CAMK1D: variants seen among roughly 807,000 people sequenced by gnomAD.
The protein encoded by CAMK1D is calcium/calmodulin dependent protein kinase ID, also known as calcium/calmodulin-dependent protein kinase type 1D.
In CAMK1D, 9 loss-of-function variants were observed where a neutral mutation model predicts 47.7. That is an observed-to-expected ratio of 0.19 (90% confidence interval 0.11 to 0.33). The LOEUF is 0.33. CAMK1D is among the 10% of genes least tolerant of loss of function. The pLI is 1.00. For synonymous variants in CAMK1D, 184 were observed against 184.9 expected (o/e 0.99, Z 0.04); for missense variants, 291 against 488.7 (o/e 0.60, Z 3.81).
chr10:12,818,491 T>C (rs1832892579), intron 8 of CAMK1D, among the ~76,000 whole-genome samples: 3 of 151,846 alleles, frequency 2.0e-5, no homozygotes, highest in Admixed American at 2.0e-4. Context: ...GCCAACATGG[T>C]GAAACCCCGT....
chr10:12,712,745 A>G (rs1407872627), intron 3 of CAMK1D, among the ~76,000 whole-genome samples: 2 of 152,120 alleles, frequency 1.3e-5, no homozygotes, highest in African/African-American at 2.4e-5. Flanking sequence ...GGTAGGGGAG[A>G]CTAACATTCA....
At chr10:12,615,730 ATG>A (rs941754318) in intron 2 of CAMK1D, among the ~76,000 whole-genome samples, 20 of 150,240 alleles carry the variant, frequency 1.3e-4, no homozygotes, top group Non-Finnish European at 2.4e-4. Flanking sequence ...GTGAGTGTGC[ATG>A]TGTGTGGGGG....
At chr10:12,400,007 C>T (rs77281616) in intron 1 of CAMK1D, among the ~76,000 whole-genome samples, 1,680 of 152,258 alleles carry the variant, frequency 0.011, 29 homozygotes, top group African/African-American at 0.038. Flanking sequence ...AGTCCTGTTT[C>T]TCCCCTAGGA....
At position 12,616,641 on chromosome 10, in the gene CAMK1D, C is replaced by CCGAGTAGCTGGGACTA. The variant is rs573488114; in HGVS notation, c.225-50093_225-50078dup. On this transcript the variant is annotated intron_variant, in intron 2 of 10. Transcript: ENST00000619168. ...CACGCCATTCTCCTGCCTCAGCCTCCCGAGTAGCTGGGACTACAGGCGCCC... is the reference window on the plus strand; with the variant it reads ...CACGCCATTCTCCTGCCTCAGCCTCCCGAGTAGCTGGGACTACGAGTAGCTGGGACTACAGGCGCCC... Among the ~76,000 whole-genome samples, 1,148 of 152,186 alleles carry CCGAGTAGCTGGGACTA rather than the reference C, an allele frequency of 7.5e-3. 14 individuals carry two copies. Among genetic ancestry groups the CCGAGTAGCTGGGACTA allele is most frequent in the African/African-American group, 0.026 (1,089 of 41,518 alleles).
intron 3 of CAMK1D, among the ~76,000 whole-genome samples, chr10:12,667,834 A>C (rs1840481365): frequency 6.6e-6 from 1 of 152,218 alleles, no homozygotes; most frequent in South Asian, 2.1e-4. Context: ...GTTAGGATGC[A>C]AATAAGTGTT....
At chr10:12,628,058 G>T (rs1262431684) in intron 2 of CAMK1D, among the ~76,000 whole-genome samples, 3 of 150,580 alleles carry the variant, frequency 2.0e-5, no homozygotes, top group Non-Finnish European at 4.4e-5. Flanking sequence ...TCCAGCCTGG[G>T]CGACAGAGCA....
At chr10:12,387,373 AT>A (rs1471983673) in intron 1 of CAMK1D, among the ~76,000 whole-genome samples, 6 of 34,418 alleles carry the variant, frequency 1.7e-4, no homozygotes, top group Non-Finnish European at 6.0e-4. Flanking sequence ...TAATATATAT[AT>A]TATATATTAT....
chr10:12,734,476 A>T lies in CAMK1D; in HGVS notation c.300-26472A>T, dbSNP rs1331939152. Among the ~76,000 whole-genome samples, 496 of 136,546 alleles carry T rather than the reference A, an allele frequency of 3.6e-3. 8 individuals are homozygous for T. Among genetic ancestry groups the T allele is most frequent in the African/African-American group, 0.013 (470 of 35,302 alleles). 89.6% of individuals were successfully genotyped at this position (136,546 alleles called of 152,430 possible). A position where few individuals can be genotyped will look rare whatever the true frequency, so the allele number is the denominator to read the frequency against. ...TATATATACACATACACATATGTGT[A>T]TATATACACATATGTATATATATAC... On this transcript the variant is annotated intron_variant, in intron 3 of 10. Coordinates refer to ENST00000619168, the MANE Select transcript of CAMK1D (RefSeq NM_153498.4).
At chr10:12,560,920 C>CTTTCTTTT (rs1836921345) in intron 2 of CAMK1D, among the ~76,000 whole-genome samples, 1 of 149,978 alleles carries the variant, frequency 6.7e-6, no homozygotes. Flanking sequence ...TTCTTTCTTT[C>CTTTCTTTT]TTTTTTTTTT....
chr10:12,676,197 T>A (rs572251930), intron 3 of CAMK1D, among the ~76,000 whole-genome samples: 1 of 152,280 alleles, frequency 6.6e-6, no homozygotes, highest in South Asian at 2.1e-4. Context: ...CAGGTGATCC[T>A]CTTGCCTCTA....
chr10:12,362,929 C>T (rs1375184255), intron 1 of CAMK1D, among the ~76,000 whole-genome samples: 1 of 149,984 alleles, frequency 6.7e-6, no homozygotes, highest in Non-Finnish European at 1.5e-5. Flanking sequence ...CAGGCGTGAG[C>T]CACCCCGCCC....
At chr10:12,385,809 C>T (rs1838477668) in intron 1 of CAMK1D, among the ~76,000 whole-genome samples, 1 of 140,174 alleles carries the variant, frequency 7.1e-6, no homozygotes, top group African/African-American at 2.7e-5. Flanking sequence ...TGCAGTGGTG[C>T]AGTCTTGGCT....
intron 2 of CAMK1D, chr10:12,653,286 A>T (rs1840029556): frequency 1.3e-5 from 2 of 153,136 alleles, no homozygotes; most frequent in African/African-American, 4.8e-5. Context: ...GCCCCACCTC[A>T]CAATACTGCC....
intron 1 of CAMK1D, among the ~76,000 whole-genome samples, chr10:12,480,414 G>T (rs1005552899): frequency 1.3e-5 from 2 of 151,608 alleles, no homozygotes; most frequent in Non-Finnish European, 2.9e-5. Context: ...CAGCTTGAGC[G>T]ACAGAGCAAG....
chr10:12,410,301 C>A (rs1180284340), intron 1 of CAMK1D, among the ~76,000 whole-genome samples: 3 of 152,140 alleles, frequency 2.0e-5, no homozygotes, highest in Non-Finnish European at 4.4e-5. Flanking sequence ...GTGTGTAACT[C>A]TGTATTTTCT....
intron 2 of CAMK1D, among the ~76,000 whole-genome samples, chr10:12,644,102 C>T (rs1371016311): frequency 6.6e-6 from 1 of 152,128 alleles, no homozygotes; most frequent in Non-Finnish European, 1.5e-5. Context: ...AACCATCTTC[C>T]CCTGAGCCCT....
intron 6 of CAMK1D, among the ~76,000 whole-genome samples, chr10:12,800,442 A>G (rs185598084): frequency 2.0e-5 from 3 of 152,342 alleles, no homozygotes; most frequent in South Asian, 4.1e-4. Context: ...TTCAATAAAC[A>G]TATGTTAAAT....
chr10:12,458,476 G>A (rs1480473184), intron 1 of CAMK1D, among the ~76,000 whole-genome samples: 1 of 152,142 alleles, frequency 6.6e-6, no homozygotes, highest in Non-Finnish European at 1.5e-5. Context: ...GAGTGCAGTA[G>A]CACGATCATA....
chr10:12,745,135 G>A (rs1835606353), intron 3 of CAMK1D, among the ~76,000 whole-genome samples: 2 of 152,152 alleles, frequency 1.3e-5, no homozygotes, highest in Admixed American at 6.5e-5. Flanking sequence ...AGTTCACGCC[G>A]TTCTCCTGCC....
Sources: allele counts gnomAD v4.1 joint callset (sites outside exome capture counted in the v4.1 genomes callset), GRCh38; gene constraint gnomAD v4.1.1; transcripts MANE v1.5; gene names NCBI Gene and HGNC (gene_info 2026-07-23, HGNC 2026-07-21).